PTPRK: variants seen among roughly 807,000 people sequenced by gnomAD.
The protein encoded by PTPRK is receptor-type tyrosine-protein phosphatase kappa.
Under a neutral mutation model 178.0 loss-of-function variants are expected in PTPRK, and 75 were observed. That is an observed-to-expected ratio of 0.42 (90% CI 0.35 to 0.51). The LOEUF is 0.51. PTPRK is among the 20% of genes least tolerant of loss of function. The pLI, the probability that PTPRK is intolerant of heterozygous loss-of-function variation, is 0.02. For missense variants in PTPRK, 1,441 were observed against 1,797.8 expected (o/e 0.80, Z 3.59); for synonymous variants, 637 against 620.6 (o/e 1.03, Z -0.39).
chr6:128,333,652 T>TA (rs2128327037), intron 2 of PTPRK, among the ~76,000 whole-genome samples: 1 of 152,296 alleles, frequency 6.6e-6, no homozygotes, highest in South Asian at 2.1e-4. Context: ...GGCTTTGGCT[T>TA]AAGGGAATGC....
intron 6 of PTPRK, among the ~76,000 whole-genome samples, chr6:128,209,358 CTG>C (rs1807636701): frequency 6.6e-6 from 1 of 152,138 alleles, no homozygotes; most frequent in African/African-American, 2.4e-5. Flanking sequence ...GTGGAAAACA[CTG>C]TGTTACAGTC....
chr6:128,420,150 T>C (rs1228656441), intron 1 of PTPRK, among the ~76,000 whole-genome samples: 2 of 152,184 alleles, frequency 1.3e-5, no homozygotes, highest in African/African-American at 4.8e-5. Context: ...TAGCTACCTG[T>C]TCTTCCCCAA....
At chr6:128,495,186 C>A (rs552673822) in intron 1 of PTPRK, among the ~76,000 whole-genome samples, 3 of 152,096 alleles carry the variant, frequency 2.0e-5, no homozygotes, top group Non-Finnish European at 4.4e-5. Context: ...TCAAAAATAG[C>A]AAAGCTTATC....
At chr6:128,492,013 G>A (rs939753013) in intron 1 of PTPRK, among the ~76,000 whole-genome samples, 1 of 152,024 alleles carries the variant, frequency 6.6e-6, no homozygotes. Flanking sequence ...TCACTCCCCT[G>A]CCTATCTGCC....
At chr6:128,487,674 G>A (rs561396457) in intron 1 of PTPRK, among the ~76,000 whole-genome samples, 8 of 152,170 alleles carry the variant, frequency 5.3e-5, no homozygotes, top group Non-Finnish European at 2.9e-5. Flanking sequence ...ACAGAGTGAT[G>A]GGGGAGTGTC....
Position 128,507,893 on chromosome 6 carries a change from C to T in PTPRK, c.100+12366G>A, listed in dbSNP as rs529086087. ...CCTCTGCCTGACTTTGTTTACATTT[C>T]GGATTACTCAAGTTTTGGGAAATTC... On this transcript the variant is annotated intron_variant, in intron 1 of 29. Transcript: ENST00000368226. 1.4e-4 allele frequency among the ~76,000 whole-genome samples: 21 copies of T among 152,210 alleles called. 1 individual carries two copies. The South Asian group carries it at 3.5e-3, about 26-fold the overall frequency.
At chr6:128,377,891 T>A (rs1837327063) in intron 2 of PTPRK, among the ~76,000 whole-genome samples, 1 of 152,186 alleles carries the variant, frequency 6.6e-6, no homozygotes, top group Non-Finnish European at 1.5e-5. Flanking sequence ...GTTACAAGCA[T>A]ATAAATTAGG....
rs115287521 is a variant in PTPRK at position 128,471,555 on chromosome 6, T to A, written c.100+48704A>T. Among the ~76,000 whole-genome samples, 626 of 138,488 alleles carry A rather than the reference T, an allele frequency of 4.5e-3. 5 individuals carry two copies. Among genetic ancestry groups the A allele is most frequent in the African/African-American group, 0.017 (607 of 36,348 alleles). The allele number at this position is 138,488 out of a possible 152,430, so 90.9% of individuals were successfully genotyped here. On this transcript the variant is annotated intron_variant, in intron 1 of 29. Transcript: ENST00000368226. ...AGCCTTAAAGGAAAGCAATTATAAATTACTGAAAAATTTAAATCAGAAAGG... is the reference window on the plus strand; with the variant it reads ...AGCCTTAAAGGAAAGCAATTATAAAATACTGAAAAATTTAAATCAGAAAGG...
intron 11 of PTPRK, among the ~76,000 whole-genome samples, chr6:128,073,006 T>C (rs1783102828): frequency 6.6e-6 from 1 of 152,126 alleles, no homozygotes; most frequent in Non-Finnish European, 1.5e-5. Context: ...ATTTATTGCT[T>C]ATATGATACA....
At chr6:128,095,253 T>C (rs148380515) in intron 7 of PTPRK, among the ~76,000 whole-genome samples, 94 of 152,308 alleles carry the variant, frequency 6.2e-4, no homozygotes, top group African/African-American at 2.2e-3. Flanking sequence ...CCCTGTTGTA[T>C]TCATAAATTA....
chr6:128,125,104 A>G (rs1299247879), intron 7 of PTPRK, among the ~76,000 whole-genome samples: 1 of 152,234 alleles, frequency 6.6e-6, no homozygotes, highest in Non-Finnish European at 1.5e-5. Flanking sequence ...AATTTTCTGT[A>G]CAATCCTAAC....
intron 2 of PTPRK, among the ~76,000 whole-genome samples, chr6:128,323,460 A>G (rs118168894): frequency 0.012 from 1,770 of 152,282 alleles, 16 homozygotes; most frequent in Non-Finnish European, 0.019. Flanking sequence ...ACTCAGTGTT[A>G]TAAGAGTTGC....
At chr6:127,994,888 TA>T (rs1360408757) in intron 18 of PTPRK, among the ~76,000 whole-genome samples, 4 of 151,978 alleles carry the variant, frequency 2.6e-5, no homozygotes, top group Non-Finnish European at 4.4e-5. Context: ...AAGTCAAATG[TA>T]AAAAGTAAAA....
chr6:128,129,082 TC>T lies in PTPRK; in HGVS notation c.1163-39091del, dbSNP rs545946658. On this transcript the variant is annotated intron_variant, in intron 7 of 29. Coordinates refer to ENST00000368226, the MANE Select transcript of PTPRK (RefSeq NM_002844.4). ...GAACCACGATTTGTACAGATAGAGATCTTGATGTATTCTAGGTCTTCTTTCT... is the reference window on the plus strand; with the variant it reads ...GAACCACGATTTGTACAGATAGAGATTTGATGTATTCTAGGTCTTCTTTCT... Among the ~76,000 whole-genome samples, 57 of 152,326 alleles carry T rather than the reference TC, an allele frequency of 3.7e-4. No homozygotes were observed. In the East Asian group the frequency reaches 0.01, roughly 28 times the overall value.
intron 8 of PTPRK, among the ~76,000 whole-genome samples, chr6:128,086,325 A>G (rs1245131592): frequency 6.6e-6 from 1 of 152,132 alleles, no homozygotes; most frequent in Non-Finnish European, 1.5e-5. Flanking sequence ...ATGTCCCCAA[A>G]CCAGGCTTTT....
chr6:128,119,341 G>A (rs1480722126), intron 7 of PTPRK, among the ~76,000 whole-genome samples: 2 of 151,376 alleles, frequency 1.3e-5, no homozygotes, highest in Non-Finnish European at 2.9e-5. Context: ...AAAATGAATT[G>A]TATTAGATAT....
intron 1 of PTPRK, among the ~76,000 whole-genome samples, chr6:128,517,156 T>C (rs992673260): frequency 1.3e-5 from 2 of 151,694 alleles, no homozygotes; most frequent in African/African-American, 2.4e-5. Flanking sequence ...GAGAGAGAAT[T>C]TGGAAGGAGT....
chr6:128,271,474 T>C (rs1455065814), intron 3 of PTPRK, among the ~76,000 whole-genome samples: 2 of 152,142 alleles, frequency 1.3e-5, no homozygotes, highest in African/African-American at 4.8e-5. Flanking sequence ...ATAAGAGCTG[T>C]AGCTGGAAAA....
chr6:128,379,581 G>C (rs1837588552), intron 2 of PTPRK, among the ~76,000 whole-genome samples: 1 of 152,198 alleles, frequency 6.6e-6, no homozygotes, highest in South Asian at 2.1e-4. Context: ...GTAAGTGCTA[G>C]AGTCCAGAGC....
Sources: allele counts gnomAD v4.1 joint callset (sites outside exome capture counted in the v4.1 genomes callset), GRCh38; gene constraint gnomAD v4.1.1; transcripts MANE v1.5; gene names NCBI Gene and HGNC (gene_info 2026-07-23, HGNC 2026-07-21).